The following NPAS3 variants were observed in gnomAD, a reference collection of about 807,000 sequenced individuals.
The protein encoded by NPAS3 is neuronal PAS domain protein 3.
In NPAS3, 14 loss-of-function variants were observed where a neutral mutation model predicts 73.1. That is an observed-to-expected ratio of 0.19 (90% confidence interval 0.13 to 0.30). NPAS3 has a LOEUF of 0.30. Among genes scored for constraint, NPAS3 ranks in the 10% least tolerant of loss-of-function variants. The pLI, the probability that NPAS3 is intolerant of heterozygous loss-of-function variation, is 1.00. For synonymous variants in NPAS3, 620 were observed against 541.5 expected, an observed-to-expected ratio of 1.14 and a Z score of -2.01; for missense variants, 1,096 against 1,250.0, an observed-to-expected ratio of 0.88 and a Z score of 1.86.
intron 2 of NPAS3, among the ~76,000 whole-genome samples, chr14:33,162,679 A>T (rs2044944231): frequency 6.6e-6 from 1 of 152,116 alleles, no homozygotes; most frequent in Non-Finnish European, 1.5e-5. Context: ...AAGCAAAAAA[A>T]AAAGTGGCCC....
At chr14:32,991,165 G>A (rs530891848) in intron 1 of NPAS3, among the ~76,000 whole-genome samples, 46 of 150,670 alleles carry the variant, frequency 3.1e-4, no homozygotes, top group African/African-American at 1.0e-3. Context: ...TTGTAGACAC[G>A]GGGTCTCACT....
chr14:33,557,323 G>A (rs2055404952), intron 4 of NPAS3, among the ~76,000 whole-genome samples: 1 of 152,128 alleles, frequency 6.6e-6, no homozygotes, highest in Middle Eastern at 3.2e-3. Flanking sequence ...AGCAAAGGTG[G>A]CCAGGTAACC....
intron 4 of NPAS3, among the ~76,000 whole-genome samples, chr14:33,477,120 C>T (rs2051075077): frequency 6.6e-6 from 1 of 150,962 alleles, no homozygotes; most frequent in South Asian, 2.1e-4. Context: ...CCCTTTTTAG[C>T]CTTTTGTTGC....
intron 2 of NPAS3, among the ~76,000 whole-genome samples, chr14:33,134,134 A>G (rs1225488923): frequency 6.6e-6 from 1 of 152,062 alleles, no homozygotes; most frequent in Non-Finnish European, 1.5e-5. Context: ...TGACAAGTGA[A>G]TTTACACTTA....
At chr14:33,762,213 T>C (rs1018034108) in intron 7 of NPAS3, among the ~76,000 whole-genome samples, 2 of 152,172 alleles carry the variant, frequency 1.3e-5, no homozygotes, top group African/African-American at 4.8e-5. Context: ...ATCATAAAAA[T>C]TGGTCCCTTT....
intron 7 of NPAS3, among the ~76,000 whole-genome samples, chr14:33,770,335 A>C (rs1168106608): frequency 6.6e-6 from 1 of 152,250 alleles, no homozygotes; most frequent in Non-Finnish European, 1.5e-5. Context: ...TCTGGGGGAT[A>C]GAGTCTGGGA....
intron 4 of NPAS3, among the ~76,000 whole-genome samples, chr14:33,390,585 G>A (rs1208654781): frequency 1.3e-5 from 2 of 152,162 alleles, no homozygotes; most frequent in African/African-American, 4.8e-5. Context: ...AGAGATGAGG[G>A]CAGGTCTAAT....
In NPAS3 at chr14:33,248,122, A is replaced by G. The variant is rs554466491; in HGVS notation, c.385+32696A>G. Among the ~76,000 whole-genome samples, 15 of 152,336 alleles carry G rather than the reference A, an allele frequency of 9.8e-5. No individual in the cohort carries two copies. The South Asian group carries it at 3.1e-3, about 32-fold the overall frequency. On this transcript the variant is annotated intron_variant, in intron 3 of 11. Coordinates refer to ENST00000356141, the Ensembl canonical transcript of NPAS3. The stretch of plus-strand genomic sequence containing the variant: ...TTTTTACTGAAGCAAATTCACAGTG[A>G]TACAACTGCTTACCTTTTCACAGTG...
intron 4 of NPAS3, among the ~76,000 whole-genome samples, chr14:33,515,241 C>T (rs187088164): frequency 6.6e-6 from 1 of 152,096 alleles, no homozygotes; most frequent in Non-Finnish European, 1.5e-5. Flanking sequence ...CCAGTTACAA[C>T]TTCATCTCCC....
intron 6 of NPAS3, among the ~76,000 whole-genome samples, chr14:33,705,637 G>T (rs1287483588): frequency 3.3e-5 from 5 of 152,212 alleles, no homozygotes; most frequent in Non-Finnish European, 7.3e-5. Flanking sequence ...AGTTCGTGTG[G>T]AATGTTCCTT....
rs146571623 is a variant in NPAS3, at chr14:33,800,190, C to G, written c.1883C>G (p.Ala628Gly). 6.2e-7 allele frequency: 1 copy of G among 1,611,528 alleles called. No individual in the cohort carries two copies. ...GCGTCGAGCCCAGGCGGCCTGGACG[C>G]GGGCCTGGTGGAGCCCCCGCGGCTG... Residue 628 changes from alanine to glycine, a missense_variant, in exon 12 of 12, where the codon GCG (alanine) becomes GGG (glycine). Physicochemically the swap from Ala to Gly is moderately conservative, Grantham distance 60. Transcript: ENST00000356141. This position sits in a 1 kb window ranked among gnomAD's most constrained non-coding sequence, Gnocchi z 6.5.
At chr14:33,093,314 T>C (rs1186576102) in intron 2 of NPAS3, among the ~76,000 whole-genome samples, 1 of 152,118 alleles carries the variant, frequency 6.6e-6, no homozygotes, top group Non-Finnish European at 1.5e-5. Flanking sequence ...GCAAAGGTTA[T>C]GAACAGTCAC....
At chr14:33,141,394 A>G (rs1277773709) in intron 2 of NPAS3, among the ~76,000 whole-genome samples, 1 of 152,204 alleles carries the variant, frequency 6.6e-6, no homozygotes. Context: ...GCTGGCCTCC[A>G]TTTATTTAAT....
intron 5 of NPAS3, among the ~76,000 whole-genome samples, chr14:33,652,659 G>A (rs2059029239): frequency 1.3e-5 from 2 of 152,170 alleles, no homozygotes; most frequent in Non-Finnish European, 2.9e-5. Flanking sequence ...CTCTGATTCA[G>A]GCGCCATGCC....
intron 7 of NPAS3, among the ~76,000 whole-genome samples, chr14:33,765,947 C>T (rs2062449374): frequency 6.6e-6 from 1 of 152,162 alleles, no homozygotes; most frequent in South Asian, 2.1e-4. Flanking sequence ...AAGCTCTCCA[C>T]GTGATTCCTG....
intron 3 of NPAS3, among the ~76,000 whole-genome samples, chr14:33,275,518 G>A (rs2041291200): frequency 6.6e-6 from 1 of 152,144 alleles, no homozygotes; most frequent in Admixed American, 6.5e-5. Context: ...AGGGAATAGT[G>A]CAATTAAAAT....
At chr14:33,215,549 G>A (rs779828433) in intron 3 of NPAS3, 123 bp downstream of exon 3, 1 of 1,091,022 alleles carries the variant, frequency 9.2e-7, no homozygotes, top group Non-Finnish European at 1.4e-6. Context: ...ATACAAATGT[G>A]GAAATCTGAA....
intron 4 of NPAS3, among the ~76,000 whole-genome samples, chr14:33,496,387 C>T (rs1374870241): frequency 6.6e-6 from 1 of 151,956 alleles, no homozygotes; most frequent in African/African-American, 2.4e-5. Context: ...CTGGCAGAGA[C>T]ACAACAAAAA....
At chr14:33,602,277 C>A (rs1304968011) in intron 5 of NPAS3, among the ~76,000 whole-genome samples, 3 of 152,210 alleles carry the variant, frequency 2.0e-5, no homozygotes, top group African/African-American at 4.8e-5. Flanking sequence ...GCCCAGCACT[C>A]AAATAGACCT....
Sources: allele counts gnomAD v4.1 joint callset (sites outside exome capture counted in the v4.1 genomes callset), GRCh38; gene constraint gnomAD v4.1.1; non-coding constraint Gnocchi (gnomAD v3.1); transcripts MANE v1.5; gene names NCBI Gene and HGNC (gene_info 2026-07-23, HGNC 2026-07-21).